The following CBFA2T2 variants were observed in gnomAD, a reference collection of about 807,000 sequenced individuals.
CBFA2T2 encodes the protein CBFA2/RUNX1 partner transcriptional co-repressor 2.
CBFA2T2 carries 11 observed loss-of-function variants against 62.2 expected under a neutral mutation model. The observed-to-expected ratio is 0.18, with a 90% confidence interval of 0.11 to 0.29. CBFA2T2 has a LOEUF of 0.29. CBFA2T2 is among the 10% of genes least tolerant of loss of function. The probability of loss-of-function intolerance (pLI) is 1.00; values close to 1 mark genes in which losing one functional copy is unlikely to be tolerated. For synonymous variants in CBFA2T2, 295 were observed against 287.5 expected, an observed-to-expected ratio of 1.03 and a Z score of -0.27; for missense variants, 592 against 774.1, an observed-to-expected ratio of 0.76 and a Z score of 2.79.
chr20:33,608,418 T>C (rs2015412027), intron 2 of CBFA2T2, among the ~76,000 whole-genome samples: 1 of 152,248 alleles, frequency 6.6e-6, no homozygotes, highest in Non-Finnish European at 1.5e-5. Context: ...TTTTTGTGTT[T>C]ATTATTTTAA....
chr20:33,615,002 A>G (rs1351463691), intron 3 of CBFA2T2, among the ~76,000 whole-genome samples: 2 of 152,218 alleles, frequency 1.3e-5, no homozygotes, highest in Non-Finnish European at 2.9e-5. Context: ...GTTCCTATGA[A>G]CATTCTTTTA....
At chr20:33,617,468 C>T (rs2015752631) in intron 3 of CBFA2T2, among the ~76,000 whole-genome samples, 1 of 152,190 alleles carries the variant, frequency 6.6e-6, no homozygotes, top group African/African-American at 2.4e-5. Flanking sequence ...CCTATATCCA[C>T]TATGTATGTA....
rs1601056651 is a variant in CBFA2T2, at chr20:33,608,340, T to C, written c.178+1241T>C. Reference sequence around the variant, plus strand: ...AGTGTCAGAGCACTGAGCTAGATGCTGTATGTATTGTTTCATTTAAATGCC... The same window carrying C: ...AGTGTCAGAGCACTGAGCTAGATGCCGTATGTATTGTTTCATTTAAATGCC... On this transcript the variant is annotated intron_variant, in intron 2 of 10. Transcript: ENST00000342704. Among the ~76,000 whole-genome samples, 4 of 152,354 alleles carry C rather than the reference T, an allele frequency of 2.6e-5. No homozygotes were observed. The South Asian group carries it at 8.3e-4, about 32-fold the overall frequency.
At chr20:33,575,677 A>G (rs917791126) in intron 1 of CBFA2T2, among the ~76,000 whole-genome samples, 1 of 152,084 alleles carries the variant, frequency 6.6e-6, no homozygotes, top group Admixed American at 6.6e-5. Flanking sequence ...ACTAGGAACT[A>G]TGGTTATAAG....
chr20:33,624,791 C>G lies in CBFA2T2; in HGVS notation c.720C>G (p.Asp240Glu). 1 of 1,614,170 alleles carries G rather than the reference C, an allele frequency of 6.2e-7. No individual in the cohort carries two copies. Among genetic ancestry groups the G allele is most frequent in the Non-Finnish European group, 8.5e-7 (1 of 1,180,014 alleles). The change falls in exon 6 of 11, where the codon GAC becomes GAG. Residue 240 changes from aspartate (D) to glutamate (E), a missense_variant. By Grantham distance (45) the Asp-to-Glu change is conservative (BLOSUM62 2). Transcript: ENST00000342704. ...GAGAAGAGAATAGTTTTGATAGAGA[C>G]ACAATTGCTCCTGAGCCTCCTGCCA... ...ERREENSFDR[D>E]TIAPEPPAKR...
chr20:33,522,287 A>C (rs1311570272), intron 1 of CBFA2T2, among the ~76,000 whole-genome samples: 1 of 147,422 alleles, frequency 6.8e-6, no homozygotes, highest in South Asian at 2.1e-4. Context: ...CCTTCTAAAA[A>C]ATTCTTTCAG....
chr20:33,550,255 G>C (rs552172659), intron 1 of CBFA2T2, among the ~76,000 whole-genome samples: 1 of 152,256 alleles, frequency 6.6e-6, no homozygotes, highest in African/African-American at 2.4e-5. Flanking sequence ...TATTAGCAAA[G>C]TAGTCTTGAA....
chr20:33,525,072 G>A lies in CBFA2T2; in HGVS notation c.34+34771G>A, dbSNP rs1309552007. 2.0e-5 allele frequency among the ~76,000 whole-genome samples: 3 copies of A among 152,302 alleles called. No homozygotes were observed. The East Asian group carries it at 5.8e-4, about 29-fold the overall frequency. The stretch of plus-strand genomic sequence containing the variant: ...GCTGGTCTTGAACTCCTGACCTCAA[G>A]TGATCCACCTGCCTTGGCCTCTCAG... On this transcript the variant is annotated intron_variant, in intron 1 of 10. Coordinates refer to ENST00000342704, the MANE Select transcript of CBFA2T2 (RefSeq NM_001032999.3).
chr20:33,646,303 CTT>C lies in CBFA2T2; in HGVS notation c.*1661_*1662del, dbSNP rs1281606288. 2.0e-5 allele frequency: 3 copies of C among 152,204 alleles called. No individual in the cohort carries two copies. The highest frequency in any genetic ancestry group is 7.2e-5 in the African/African-American group (3 of 41,426). The allele number at this position is 152,204 out of a possible 1,614,324, so 9.4% of individuals were successfully genotyped here. The stretch of plus-strand genomic sequence containing the variant: ...GCGTGAGCCACCATGCCCGGCCTGT[CTT>C]TTTGGTTTTGATGGGAGTCTGAGGA... On this transcript the variant is annotated 3_prime_UTR_variant, in exon 11 of 11. Transcript: ENST00000342704.
intron 1 of CBFA2T2, among the ~76,000 whole-genome samples, chr20:33,580,811 A>G (rs1030163977): frequency 1.3e-5 from 2 of 152,186 alleles, no homozygotes; most frequent in African/African-American, 4.8e-5. Flanking sequence ...CAGAGATCAC[A>G]CCACTGTATT....
chr20:33,512,753 T>G (rs2011532166), intron 1 of CBFA2T2, among the ~76,000 whole-genome samples: 1 of 149,728 alleles, frequency 6.7e-6, no homozygotes, highest in Admixed American at 6.7e-5. Context: ...TGTATGTCTT[T>G]TTTTTTTTTT....
At chr20:33,636,085 C>G (rs1195537328) in intron 8 of CBFA2T2, among the ~76,000 whole-genome samples, 1 of 151,968 alleles carries the variant, frequency 6.6e-6, no homozygotes, top group Non-Finnish European at 1.5e-5. Flanking sequence ...GAAACCCCAT[C>G]TCTACTAAAA....
At chr20:33,570,639 G>A (rs886922893) in intron 1 of CBFA2T2, among the ~76,000 whole-genome samples, 10 of 152,174 alleles carry the variant, frequency 6.6e-5, no homozygotes, top group Non-Finnish European at 1.0e-4. Context: ...GTGAGTACAT[G>A]TGCTGTTAAC....
intron 1 of CBFA2T2, among the ~76,000 whole-genome samples, chr20:33,555,500 T>G (rs1045267382): frequency 6.6e-6 from 1 of 152,226 alleles, no homozygotes; most frequent in African/African-American, 2.4e-5. Flanking sequence ...CAACTTTCTA[T>G]AAGTTGTTTA....
At chr20:33,533,454 C>G (rs1600938055) in intron 1 of CBFA2T2, among the ~76,000 whole-genome samples, 2 of 152,160 alleles carry the variant, frequency 1.3e-5, no homozygotes, top group South Asian at 4.1e-4. Flanking sequence ...TGGTTTCTTT[C>G]ATCCAGCATA....
intron 1 of CBFA2T2, among the ~76,000 whole-genome samples, chr20:33,556,224 G>A (rs559218703): frequency 1.2e-4 from 18 of 152,070 alleles, no homozygotes; most frequent in African/African-American, 3.9e-4. Context: ...CTCCCCTCCT[G>A]GTACTTTTCT....
At chr20:33,530,276 G>C (rs1346861381) in intron 1 of CBFA2T2, among the ~76,000 whole-genome samples, 1 of 152,048 alleles carries the variant, frequency 6.6e-6, no homozygotes, top group Non-Finnish European at 1.5e-5. Flanking sequence ...CTTAAGGCTG[G>C]CTTCACCTCT....
intron 6 of CBFA2T2, among the ~76,000 whole-genome samples, chr20:33,625,519 G>A (rs962435445): frequency 1.3e-5 from 2 of 152,306 alleles, no homozygotes; most frequent in African/African-American, 4.8e-5. Flanking sequence ...ATTCTCAGAT[G>A]GTTCAGAAGA....
chr20:33,496,765 G>C (rs1041376962), intron 1 of CBFA2T2, among the ~76,000 whole-genome samples: 3 of 152,182 alleles, frequency 2.0e-5, no homozygotes, highest in African/African-American at 7.2e-5. Context: ...AGGCTTGTCT[G>C]ACGTTGAATA....
Sources: allele counts gnomAD v4.1 joint callset (sites outside exome capture counted in the v4.1 genomes callset), GRCh38; gene constraint gnomAD v4.1.1; transcripts MANE v1.5; gene names NCBI Gene and HGNC (gene_info 2026-07-23, HGNC 2026-07-21).